Variants in XPR1 observed in about 807,000 individuals in gnomAD.
XPR1 encodes the protein xenotropic and polytropic retrovirus receptor 1, also known as solute carrier family 53 member 1.
Under a neutral mutation model 87.5 loss-of-function variants are expected in XPR1, and 28 were observed. The ratio of observed to expected loss-of-function variants is 0.32; its 90% CI spans 0.24 to 0.44. The LOEUF is 0.44. XPR1 is among the 20% of genes least tolerant of loss of function. The pLI is 1.00. For missense variants in XPR1, 559 were observed against 862.3 expected, an observed-to-expected ratio of 0.65 and a Z score of 4.41; for synonymous variants, 300 against 306.1, an observed-to-expected ratio of 0.98 and a Z score of 0.21.
At chr1:180,825,569 T>C (rs908504041) in intron 9 of XPR1, among the ~76,000 whole-genome samples, 1 of 152,202 alleles carries the variant, frequency 6.6e-6, no homozygotes, top group Non-Finnish European at 1.5e-5. Context: ...ATAAACATTT[T>C]TTACTTCGTT....
chr1:180,746,076 C>A (rs764027315), intron 2 of XPR1, among the ~76,000 whole-genome samples: 4 of 151,910 alleles, frequency 2.6e-5, no homozygotes, highest in Non-Finnish European at 5.9e-5. Flanking sequence ...TTTTCTTTTT[C>A]TGCCATACTT....
chr1:180,797,888 C>T (rs965829804), intron 3 of XPR1, among the ~76,000 whole-genome samples: 4 of 151,986 alleles, frequency 2.6e-5, no homozygotes, highest in Non-Finnish European at 5.9e-5. Flanking sequence ...ATTACTGAAA[C>T]GCTAAGGGCA....
intron 7 of XPR1, among the ~76,000 whole-genome samples, chr1:180,820,859 A>G (rs751834725): frequency 6.6e-6 from 1 of 152,106 alleles, no homozygotes; most frequent in Non-Finnish European, 1.5e-5. Flanking sequence ...GGCCATTTAT[A>G]TATATATTTT....
intron 2 of XPR1, among the ~76,000 whole-genome samples, chr1:180,710,163 A>G (rs1236910738): frequency 6.7e-6 from 1 of 148,984 alleles, no homozygotes; most frequent in Non-Finnish European, 1.5e-5. Context: ...AAGTGCTGGG[A>G]TTACAGGTGT....
chr1:180,863,903 A>G, intron 12 of XPR1, 29 bp downstream of exon 12: 1 of 1,544,432 alleles, frequency 6.5e-7, no homozygotes, highest in Non-Finnish European at 8.7e-7. Context: ...TTTGTTTAAA[A>G]GAACAAACTT....
At chr1:180,717,744 C>T (rs1025398137) in intron 2 of XPR1, among the ~76,000 whole-genome samples, 3 of 152,186 alleles carry the variant, frequency 2.0e-5, no homozygotes, top group Non-Finnish European at 2.9e-5. Flanking sequence ...CTTCTCAACC[C>T]TGTGTTCACT....
At chr1:180,877,882 T>C (rs1489297199) in intron 13 of XPR1, 4 of 152,358 alleles carry the variant, frequency 2.6e-5, no homozygotes, top group African/African-American at 9.6e-5. Flanking sequence ...AGTGTAGATA[T>C]CTTTCACAAA....
intron 11 of XPR1, among the ~76,000 whole-genome samples, chr1:180,850,852 G>A (rs1651843205): frequency 2.0e-5 from 3 of 151,818 alleles, no homozygotes; most frequent in Admixed American, 2.0e-4. Context: ...CTAGCTACTT[G>A]GGAGGCTGAG....
intron 11 of XPR1, among the ~76,000 whole-genome samples, chr1:180,853,662 CACA>C (rs1558039413): frequency 3.3e-5 from 5 of 151,658 alleles, no homozygotes; most frequent in Non-Finnish European, 7.4e-5. Context: ...CACACACACA[CACA>C]CACCCTACCT....
At chr1:180,723,156 G>A (rs893689813) in intron 2 of XPR1, among the ~76,000 whole-genome samples, 56 of 152,198 alleles carry the variant, frequency 3.7e-4, no homozygotes, top group Non-Finnish European at 2.9e-5. Context: ...GTGTTCTAGG[G>A]AGTCAAACCC....
At chr1:180,793,447 A>G (rs993592422) in intron 3 of XPR1, among the ~76,000 whole-genome samples, 1 of 152,060 alleles carries the variant, frequency 6.6e-6, no homozygotes, top group African/African-American at 2.4e-5. Context: ...TCTAGTATGC[A>G]TGTATTTAAA....
intron 2 of XPR1, among the ~76,000 whole-genome samples, chr1:180,719,224 T>C (rs1333116406): frequency 6.6e-6 from 1 of 152,210 alleles, no homozygotes; most frequent in Non-Finnish European, 1.5e-5. Context: ...CTGGAAACAC[T>C]AGTTAAATGT....
chr1:180,809,151 A>G (rs963654555), intron 6 of XPR1, among the ~76,000 whole-genome samples: 3 of 151,984 alleles, frequency 2.0e-5, no homozygotes, highest in Admixed American at 6.6e-5. Flanking sequence ...GAGAAAGCAG[A>G]AAAAAAAGGT....
At chr1:180,746,060 C>T (rs938301994) in intron 2 of XPR1, among the ~76,000 whole-genome samples, 5 of 152,028 alleles carry the variant, frequency 3.3e-5, no homozygotes, top group Admixed American at 6.5e-5. Context: ...TCTATCTGTT[C>T]CTTTTTTTTC....
At chr1:180,822,129 C>T (rs188460694) in intron 7 of XPR1, among the ~76,000 whole-genome samples, 1 of 152,238 alleles carries the variant, frequency 6.6e-6, no homozygotes, top group East Asian at 1.9e-4. Flanking sequence ...GAGGTCATGC[C>T]GTGTATGTAC....
At chr1:180,754,584 CCGA>C (rs1363976845) in intron 2 of XPR1, among the ~76,000 whole-genome samples, 2 of 152,046 alleles carry the variant, frequency 1.3e-5, no homozygotes, top group Non-Finnish European at 2.9e-5. Flanking sequence ...CCTAGGCTTC[CCGA>C]GTATCTGGGA....
intron 1 of XPR1, among the ~76,000 whole-genome samples, chr1:180,673,553 A>G (rs1571708753): frequency 6.6e-6 from 1 of 152,332 alleles, no homozygotes; most frequent in Admixed American, 6.5e-5. Flanking sequence ...ACTGGGCCAC[A>G]CAGCAGGAGG....
intron 2 of XPR1, among the ~76,000 whole-genome samples, chr1:180,757,761 C>G (rs1198050568): frequency 6.6e-6 from 1 of 150,510 alleles, no homozygotes; most frequent in Non-Finnish European, 1.5e-5. Flanking sequence ...CTCAAGCGAT[C>G]CTTCTGCCTC....
chr1:180,826,290 C>T (rs1261363150), intron 9 of XPR1, among the ~76,000 whole-genome samples: 2 of 151,998 alleles, frequency 1.3e-5, no homozygotes, highest in East Asian at 1.9e-4. Context: ...GTCGCTCATG[C>T]CTATAATCCC....
Sources: gnomAD v4.1 joint callset for allele counts (sites outside exome capture counted in the v4.1 genomes callset) on GRCh38, gnomAD v4.1.1 for gene constraint, MANE v1.5 for transcripts, NCBI Gene and HGNC (gene_info 2026-07-23, HGNC 2026-07-21) for gene names.